Variants in NAV3 observed in about 807,000 individuals in gnomAD.
NAV3 encodes the protein pore membrane and/or filament interacting like protein 1.
A neutral mutation model predicts 244.7 loss-of-function variants in NAV3; 87 were observed. The observed-to-expected ratio is 0.36, with a 90% confidence interval of 0.30 to 0.42. The LOEUF (loss-of-function observed/expected upper bound fraction) is 0.42, where lower values mean the gene tolerates loss of function less well. Ranked by LOEUF, NAV3 falls within the 20% of genes least tolerant of loss-of-function variation. The pLI, the probability that NAV3 is intolerant of heterozygous loss-of-function variation, is 1.00. For missense variants in NAV3, 2,663 were observed against 2,893.3 expected (o/e 0.92, Z 1.83); for synonymous variants, 1,126 against 1,042.2 (o/e 1.08, Z -1.55).
intron 7 of NAV3, among the ~76,000 whole-genome samples, chr12:78,004,832 T>C (rs1435421243): frequency 2.6e-5 from 4 of 152,158 alleles, no homozygotes; most frequent in African/African-American, 4.8e-5. Flanking sequence ...AAGTATCTTA[T>C]ATGTGTGTAC....
intron 1 of NAV3, among the ~76,000 whole-genome samples, chr12:77,882,937 C>G (rs1882840554): frequency 6.6e-6 from 1 of 152,034 alleles, no homozygotes. Context: ...ACCACAGGTG[C>G]TAGGCTAGTG....
intron 1 of NAV3, among the ~76,000 whole-genome samples, chr12:77,876,823 T>C (rs1677922): frequency 0.15 from 23,410 of 152,016 alleles, 2,061 homozygotes; most frequent in African/African-American, 0.24. Flanking sequence ...ATTGGGCTGC[T>C]TACTTTAAAT....
chr12:77,826,493 CT>C (rs374266159), upstream of NAV3, among the ~76,000 whole-genome samples: 55 of 152,188 alleles, frequency 3.6e-4, no homozygotes, highest in East Asian at 4.3e-3. Context: ...CTCTGTCCCC[CT>C]CCCCCCAAAA....
At chr12:78,097,341 G>A (rs1396663464) in intron 12 of NAV3, among the ~76,000 whole-genome samples, 1 of 152,150 alleles carries the variant, frequency 6.6e-6, no homozygotes, top group African/African-American at 2.4e-5. Context: ...TTGGCTGTTT[G>A]TGCTAGAAAA....
At chr12:77,824,257 T>TC (rs1181450173) in intron 2 of NAV3, among the ~76,000 whole-genome samples, 1 of 148,310 alleles carries the variant, frequency 6.7e-6, no homozygotes, top group Non-Finnish European at 1.5e-5. Context: ...TTTTTTTTTT[T>TC]TTTTTTTGTA....
At chr12:77,661,996 A>T (rs1475701520) in intron 2 of NAV3, among the ~76,000 whole-genome samples, 1 of 150,840 alleles carries the variant, frequency 6.6e-6, no homozygotes, top group Non-Finnish European at 1.5e-5. Context: ...TCCACCTTTG[A>T]CTTTCTTTTT....
At chr12:78,205,867 A>G (rs1219195046) in intron 39 of NAV3, among the ~76,000 whole-genome samples, 1 of 152,196 alleles carries the variant, frequency 6.6e-6, no homozygotes, top group Non-Finnish European at 1.5e-5. Context: ...CCAGTACAGA[A>G]AGAAAAGATA....
chr12:77,729,799 A>G (rs961052424), intron 2 of NAV3, among the ~76,000 whole-genome samples: 2 of 151,982 alleles, frequency 1.3e-5, no homozygotes, highest in African/African-American at 2.4e-5. Context: ...AATCAGAAAT[A>G]TTCTAGACTT....
At chr12:78,107,525 A>G (rs2138331014) in intron 12 of NAV3, among the ~76,000 whole-genome samples, 1 of 152,292 alleles carries the variant, frequency 6.6e-6, no homozygotes. Context: ...CCTATGAAGT[A>G]AACCTTATCA....
intron 35 of NAV3, among the ~76,000 whole-genome samples, chr12:78,197,657 A>G (rs545436233): frequency 6.6e-6 from 1 of 151,898 alleles, no homozygotes; most frequent in Non-Finnish European, 1.5e-5. Flanking sequence ...AATGGCTGTC[A>G]TTAATTTGAG....
At chr12:77,900,915 A>C (rs1285645342) in intron 1 of NAV3, among the ~76,000 whole-genome samples, 1 of 152,162 alleles carries the variant, frequency 6.6e-6, no homozygotes, top group East Asian at 1.9e-4. Flanking sequence ...ACTTTTTCAT[A>C]ATAGCCATTC....
intron 8 of NAV3, among the ~76,000 whole-genome samples, 182 bp downstream of exon 8, chr12:78,007,627 G>T (rs1874471279): frequency 6.6e-6 from 1 of 152,144 alleles, no homozygotes; most frequent in African/African-American, 2.4e-5. Flanking sequence ...CTTCCAGTAG[G>T]ATCTAGTTTT....
intron 12 of NAV3, among the ~76,000 whole-genome samples, chr12:78,104,929 T>G (rs1954725499): frequency 6.6e-6 from 1 of 152,172 alleles, no homozygotes; most frequent in Non-Finnish European, 1.5e-5. Context: ...ATCTTTTTAA[T>G]TGTTAAGAAA....
intron 2 of NAV3, among the ~76,000 whole-genome samples, chr12:77,694,338 T>TTGTAGTCCCAGCTACTCAGGA (rs1166427202): frequency 1.3e-5 from 2 of 150,996 alleles, no homozygotes; most frequent in Non-Finnish European, 3.0e-5. Flanking sequence ...CCAGGCATGG[T>TTGTAGTCCCAGCTACTCAGGA]GGCACACACC....
chr12:77,870,405 T>C (rs1239373503), intron 1 of NAV3, among the ~76,000 whole-genome samples: 2 of 150,980 alleles, frequency 1.3e-5, no homozygotes, highest in Non-Finnish European at 3.0e-5. Flanking sequence ...AATTGCTACA[T>C]CTCTAAAATT....
At chr12:78,026,223 C>T (rs1878029723) in intron 9 of NAV3, among the ~76,000 whole-genome samples, 1 of 152,168 alleles carries the variant, frequency 6.6e-6, no homozygotes, top group Admixed American at 6.5e-5. Context: ...TCTCTCTGCA[C>T]TAGTTCTCTC....
chr12:77,685,736 A>C (rs1874709831), intron 2 of NAV3, among the ~76,000 whole-genome samples: 1 of 152,144 alleles, frequency 6.6e-6, no homozygotes, highest in Non-Finnish European at 1.5e-5. Context: ...AATTAGTTTT[A>C]GTATTTATTA....
intron 5 of NAV3, among the ~76,000 whole-genome samples, chr12:77,992,922 T>C (rs771339843): frequency 5.9e-5 from 9 of 152,116 alleles, no homozygotes; most frequent in Non-Finnish European, 1.0e-4. Flanking sequence ...CAGTGAGCAT[T>C]GAAGAAAACA....
At chr12:77,916,067 G>A (rs1290067604) in intron 1 of NAV3, among the ~76,000 whole-genome samples, 1 of 151,996 alleles carries the variant, frequency 6.6e-6, no homozygotes, top group East Asian at 1.9e-4. Context: ...TTTAAGACAG[G>A]CCACTCTGAG....
Sources: gnomAD v4.1 joint callset for allele counts (sites outside exome capture counted in the v4.1 genomes callset) on GRCh38, gnomAD v4.1.1 for gene constraint, MANE v1.5 for transcripts, NCBI Gene and HGNC (gene_info 2026-07-23, HGNC 2026-07-21) for gene names.